The following KMT2A variants were observed in gnomAD, a reference collection of about 807,000 sequenced individuals.
KMT2A encodes the protein lysine methyltransferase 2A.
A neutral mutation model predicts 345.3 loss-of-function variants in KMT2A; 16 were observed. The observed-to-expected ratio is 0.05, with a 90% CI of 0.03 to 0.07. KMT2A has a LOEUF of 0.07. Among genes scored for constraint, KMT2A ranks in the 10% least tolerant of loss-of-function variants. The pLI is 1.00. For synonymous variants in KMT2A, 1,599 were observed against 1,778.6 expected, an observed-to-expected ratio of 0.90 and a Z score of 2.54; for missense variants, 3,272 against 4,841.6, an observed-to-expected ratio of 0.68 and a Z score of 9.62.
chr11:118,448,360 A>T (rs1949464373), intron 1 of KMT2A: 2 of 152,196 alleles, frequency 1.3e-5, no homozygotes, highest in Admixed American at 1.3e-4. Context: ...TTTCCAAACT[A>T]ATAGAAGTTT....
chr11:118,454,739 G>A (rs1159619689), intron 1 of KMT2A, among the ~76,000 whole-genome samples: 1 of 152,048 alleles, frequency 6.6e-6, no homozygotes, highest in Non-Finnish European at 1.5e-5. Context: ...ACAACTGAAC[G>A]TGGCCATGTT....
chr11:118,468,401 T>C (rs1337208848), intron 1 of KMT2A, among the ~76,000 whole-genome samples: 2 of 152,322 alleles, frequency 1.3e-5, no homozygotes, highest in South Asian at 4.1e-4. Context: ...GAAAAGCATT[T>C]GTTTGTTGTA....
intron 1 of KMT2A, among the ~76,000 whole-genome samples, chr11:118,465,249 AAAG>A (rs1949821783): frequency 6.6e-6 from 1 of 152,138 alleles, no homozygotes; most frequent in Non-Finnish European, 1.5e-5. Context: ...AAAAGAAAAA[AAAG>A]AAATCTATGA....
At position 118,481,967 on chromosome 11, in the gene KMT2A, A is replaced by G; in HGVS notation, c.3887A>G (p.Lys1296Arg). Residue 1296 changes from lysine (K) to arginine (R), a missense_variant, in exon 7 of 36, where the codon AAG (lysine) becomes AGG (arginine). Lys to Arg is a conservative substitution (Grantham distance 26). This residue lies in a region of KMT2A where 168 missense variants were observed against 216.0 expected (regional missense o/e 0.78). Transcript: ENST00000534358. ...ATTPASRKSS[K>R]QVSQPALVIP... is the part of the protein sequence containing the mutation. ...ACTCCAGCTTCCAGGAAGTCAAGCA[A>G]GCAGGTCTCCCAGCCAGCACTGGTC... 6.2e-7 allele frequency: 1 copy of G among 1,614,234 alleles called. No homozygotes were observed. Among genetic ancestry groups the G allele is most frequent in the African/African-American group, 1.3e-5 (1 of 75,052 alleles).
intron 31 of KMT2A, among the ~76,000 whole-genome samples, chr11:118,513,243 C>CA (rs1415982035): frequency 2.6e-5 from 4 of 150,964 alleles, no homozygotes; most frequent in East Asian, 3.9e-4. Flanking sequence ...TACTTTGTCA[C>CA]AAAAAAAAGA....
chr11:118,508,543 C>T (rs1555049227), intron 28 of KMT2A, among the ~76,000 whole-genome samples: 3 of 151,880 alleles, frequency 2.0e-5, no homozygotes, highest in African/African-American at 7.3e-5. Flanking sequence ...TTGAAACCAA[C>T]CTTGGCAACA....
chr11:118,489,757 G>A, intron 11 of KMT2A, 35 bp from the exon 12 acceptor site: 2 of 1,569,286 alleles, frequency 1.3e-6, no homozygotes, highest in Non-Finnish European at 1.8e-6. Context: ...AAGGTAATAT[G>A]ATGCTTATCT....
intron 1 of KMT2A, among the ~76,000 whole-genome samples, chr11:118,462,771 C>G (rs1365166171): frequency 6.6e-6 from 1 of 152,134 alleles, no homozygotes; most frequent in African/African-American, 2.4e-5. Context: ...ACCGTGTTAG[C>G]CAGGATGGTC....
In KMT2A at chr11:118,474,967, TA is replaced by T. The variant is rs782017800; in HGVS notation, c.3156+668del. Among the ~76,000 whole-genome samples the T allele has an allele frequency of 6.2e-3, 848 of 136,008 alleles. 2 individuals carry two copies. Among genetic ancestry groups the T allele is most frequent in the African/African-American group, 8.2e-3 (305 of 37,204 alleles). 89.2% of individuals were successfully genotyped at this position (136,008 alleles called of 152,430 possible). On this transcript the variant is annotated intron_variant, in intron 3 of 35. Transcript: ENST00000534358. Reference sequence around the variant, plus strand: ...CAACACGGTGAAACCTCATCTCTACTAAAAAAAAAAAAAAAATTAGCTGGGC... The same window carrying T: ...CAACACGGTGAAACCTCATCTCTACTAAAAAAAAAAAAAAATTAGCTGGGC...
chr11:118,440,125 C>T (rs1308623979), intron 1 of KMT2A, among the ~76,000 whole-genome samples: 3 of 152,226 alleles, frequency 2.0e-5, no homozygotes, highest in Admixed American at 6.5e-5. Flanking sequence ...AACTCTGGTT[C>T]GCCTTCAGTG....
At chr11:118,456,967 C>T (rs1230826275) in intron 1 of KMT2A, among the ~76,000 whole-genome samples, 2 of 152,126 alleles carry the variant, frequency 1.3e-5, no homozygotes, top group East Asian at 3.9e-4. Flanking sequence ...CTTTGCACTC[C>T]CTTAAACCTT....
At position 118,520,476 on chromosome 11, in the gene KMT2A, C is replaced by A. The variant is rs1950935457; in HGVS notation, c.11430-326C>A. On this transcript the variant is annotated intron_variant, in intron 33 of 35. Coordinates refer to ENST00000534358, the MANE Select transcript of KMT2A (RefSeq NM_001197104.2). This position sits in a 1 kb window ranked among gnomAD's most constrained non-coding sequence, Gnocchi z 4.3. Reference sequence around the variant, plus strand: ...GACCAGCCTGACCAACATAGTGAAACCCTATCTCTACTAAAAATACAAAAA... The same window carrying A: ...GACCAGCCTGACCAACATAGTGAAAACCTATCTCTACTAAAAATACAAAAA... 2.8e-6 allele frequency: 1 copy of A among 354,180 alleles called. No homozygotes were observed. Among genetic ancestry groups the A allele is most frequent in the Non-Finnish European group, 5.2e-6 (1 of 192,000 alleles). The allele number at this position is 354,180 out of a possible 1,614,324, so 21.9% of individuals were successfully genotyped here. A position where few individuals can be genotyped will look rare whatever the true frequency, so the allele number is the denominator to read the frequency against.
chr11:118,493,295 C>A lies in KMT2A; in HGVS notation c.5178+65C>A. The A allele has an allele frequency of 1.5e-6, 2 of 1,320,066 alleles. No homozygotes were observed. The highest frequency in any genetic ancestry group is 2.7e-5 in the South Asian group (2 of 74,944). 81.8% of individuals were successfully genotyped at this position (1,320,066 alleles called of 1,614,324 possible). ...ATAAAGCTTCTTTGGACCTTTGGGG[C>A]ATGAAACTGAGTATAAGTAAATTTA... On this transcript the variant is annotated intron_variant, in intron 16 of 35. Transcript: ENST00000534358. This position sits in a 1 kb window ranked among gnomAD's most constrained non-coding sequence, Gnocchi z 5.8.
Position 118,478,576 on chromosome 11 carries a change from C to T in KMT2A, c.3569+375C>T, listed in dbSNP as rs548053958. Reference sequence around the variant, plus strand: ...TTAGCCATGTGTAACTAGTGGCTACCATATCAGACTGTAGCTCTGGAGGAT... The same window carrying T: ...TTAGCCATGTGTAACTAGTGGCTACTATATCAGACTGTAGCTCTGGAGGAT... On this transcript the variant is annotated intron_variant, in intron 5 of 35. Coordinates refer to ENST00000534358, the MANE Select transcript of KMT2A (RefSeq NM_001197104.2). Among the ~76,000 whole-genome samples, 433 of 152,304 alleles carry T rather than the reference C, an allele frequency of 2.8e-3. 1 individual carries two copies. Among genetic ancestry groups the T allele is most frequent in the Non-Finnish European group, 2.6e-3 (174 of 68,028 alleles).
In KMT2A at chr11:118,499,291, G is replaced by T; in HGVS notation, c.5962-12G>T. 2 of 1,562,462 alleles carry T rather than the reference G, an allele frequency of 1.3e-6. No individual in the cohort carries two copies. Among genetic ancestry groups the T allele is most frequent in the Non-Finnish European group, 1.8e-6 (2 of 1,132,930 alleles). ...GACAGCCTATTAACAGCTACCATGG[G>T]TTTTATTTAAGGTGGTTCCTGAGAA... On this transcript the variant is annotated splice_polypyrimidine_tract_variant and intron_variant, in intron 22 of 35. Transcript: ENST00000534358.
rs543336095 is a variant in KMT2A, at chr11:118,440,381, G to A, written c.432+3437G>A. ...CTTTCCCCTTCCCTCTGTAGTGTCAGTATCCCATTTTTCTAAGGATTCTCT... is the reference window on the plus strand; with the variant it reads ...CTTTCCCCTTCCCTCTGTAGTGTCAATATCCCATTTTTCTAAGGATTCTCT... On this transcript the variant is annotated intron_variant, in intron 1 of 35. Coordinates refer to ENST00000534358, the MANE Select transcript of KMT2A (RefSeq NM_001197104.2). Among the ~76,000 whole-genome samples, 18 of 152,210 alleles carry A rather than the reference G, an allele frequency of 1.2e-4. 2 individuals carry two copies. In the South Asian group the frequency reaches 3.7e-3, roughly 32 times the overall value.
chr11:118,483,229 T>TC (rs201228089), intron 8 of KMT2A, among the ~76,000 whole-genome samples: 1 of 110,908 alleles, frequency 9.0e-6, no homozygotes, highest in East Asian at 2.4e-4. Flanking sequence ...CTAGACTCCA[T>TC]CCCAAAAAAA....
At position 118,506,474 on chromosome 11, in the gene KMT2A, T is replaced by C; in HGVS notation, c.10582T>C (p.Ser3528Pro). 6.2e-7 allele frequency: 1 copy of C among 1,614,160 alleles called. No individual in the cohort carries two copies. The highest frequency in any genetic ancestry group is 1.1e-5 in the South Asian group (1 of 91,084). Residue 3528 changes from serine (S) to proline (P), a missense_variant, in exon 27 of 36, where the codon TCA (serine) becomes CCA (proline). Coordinates refer to ENST00000534358, the MANE Select transcript of KMT2A (RefSeq NM_001197104.2). Reference sequence around the variant, plus strand: ...ATCCTCTCCATCTTCTGGACAGCGGTCAGCAAGCCCTTCAGTGCCGGGTCC... The same window carrying C: ...ATCCTCTCCATCTTCTGGACAGCGGCCAGCAAGCCCTTCAGTGCCGGGTCC... ...SPSSPSSGQR[S>P]ASPSVPGPTK...
chr11:118,499,158 T>C (rs2134371538), intron 22 of KMT2A, 145 bp from the exon 23 acceptor site: 3 of 609,352 alleles, frequency 4.9e-6, no homozygotes. Flanking sequence ...CCACCTCTTT[T>C]GGGAAATACA....
Sources: gnomAD v4.1 joint callset for allele counts (sites outside exome capture counted in the v4.1 genomes callset) on GRCh38, gnomAD v4.1.1 for gene constraint, gnomAD v4.1.1 regional missense constraint, Gnocchi (gnomAD v3.1) non-coding constraint, MANE v1.5 for transcripts, NCBI Gene and HGNC (gene_info 2026-07-23, HGNC 2026-07-21) for gene names.